PDE1A: variants seen among roughly 807,000 people sequenced by gnomAD.
PDE1A encodes the protein phosphodiesterase 1A, also known as dual specificity calcium/calmodulin-dependent 3',5'-cyclic nucleotide phosphodiesterase 1A.
In PDE1A, 35 loss-of-function variants were observed where a neutral mutation model predicts 61.7. That is an observed-to-expected ratio of 0.57 (90% CI 0.43 to 0.75). The LOEUF (loss-of-function observed/expected upper bound fraction) is 0.75, where lower values mean the gene tolerates loss of function less well. Among genes scored for constraint, PDE1A ranks in the 30% least tolerant of loss-of-function variants. The pLI is 0.00. For missense variants in PDE1A, 597 were observed against 630.6 expected, an observed-to-expected ratio of 0.95 and a Z score of 0.57; for synonymous variants, 232 against 213.2, an observed-to-expected ratio of 1.09 and a Z score of -0.77.
At chr2:182,172,594 T>C (rs1312583346) in intron 13 of PDE1A, among the ~76,000 whole-genome samples, 1 of 152,022 alleles carries the variant, frequency 6.6e-6, no homozygotes, top group African/African-American at 2.4e-5. Context: ...CTAATTTGGG[T>C]AGGCCTCCTG....
intron 2 of PDE1A, chr2:182,242,213 A>G: frequency 5.8e-6 from 2 of 343,904 alleles, no homozygotes; most frequent in Non-Finnish European, 4.5e-6. Flanking sequence ...TATATGTCCT[A>G]TACTCATAAA....
At chr2:182,688,478 C>G in the PDE1A span, among the ~76,000 whole-genome samples, 1 of 152,056 alleles carries the variant, frequency 6.6e-6, no homozygotes, top group Non-Finnish European at 1.5e-5. Context: ...AAGCAAATGC[C>G]GAGAGATTTT....
exon 1 of PDE1A, chr2:182,426,995 C>T: frequency 5.0e-6 from 5 of 1,006,340 alleles, no homozygotes; most frequent in Non-Finnish European, 5.9e-6. Context: ...GTTATTGCAG[C>T]CATGAGAGCT....
intron 3 of PDE1A, among the ~76,000 whole-genome samples, chr2:182,235,014 C>A (rs1346652016): frequency 6.6e-6 from 1 of 152,052 alleles, no homozygotes; most frequent in Non-Finnish European, 1.5e-5. Flanking sequence ...ATCATACTAG[C>A]AAAAATTGTT....
the PDE1A span, among the ~76,000 whole-genome samples, chr2:182,687,617 T>A: frequency 5.9e-5 from 9 of 152,066 alleles, no homozygotes; most frequent in Non-Finnish European, 1.5e-5. Flanking sequence ...ATTCTAAAAA[T>A]CGAGCACCTC....
At chr2:182,582,971 G>A in the PDE1A span, among the ~76,000 whole-genome samples, 26 of 152,136 alleles carry the variant, frequency 1.7e-4, no homozygotes, top group Non-Finnish European at 3.2e-4. Context: ...GTTCCTTTTT[G>A]CGCTTGAACC....
At chr2:182,575,913 TATC>T in the PDE1A span, among the ~76,000 whole-genome samples, 2 of 146,980 alleles carry the variant, frequency 1.4e-5, no homozygotes, top group African/African-American at 2.5e-5. Context: ...CTATATATAG[TATC>T]ATATTATTAT....
intron 1 of PDE1A, among the ~76,000 whole-genome samples, chr2:182,337,736 T>C (rs1028158237): frequency 6.6e-6 from 1 of 152,236 alleles, no homozygotes; most frequent in Non-Finnish European, 1.5e-5. Flanking sequence ...GATAGAGTTA[T>C]GTCAAATTGG....
the PDE1A span, among the ~76,000 whole-genome samples, chr2:182,681,314 A>G: frequency 8.2e-6 from 1 of 121,300 alleles, no homozygotes; most frequent in Admixed American, 9.2e-5. Context: ...TTATTTAATT[A>G]TTTATTTTAG....
the PDE1A span, among the ~76,000 whole-genome samples, chr2:182,668,269 G>C: frequency 1.3e-5 from 2 of 152,106 alleles, no homozygotes; most frequent in Admixed American, 6.5e-5. Context: ...GACAACTAGA[G>C]ATCTGCAGTC....
At chr2:182,511,601 G>C (rs952448414) in intron 2 of PDE1A, among the ~76,000 whole-genome samples, 1 of 152,172 alleles carries the variant, frequency 6.6e-6, no homozygotes, top group African/African-American at 2.4e-5. Context: ...GTGGAGCACA[G>C]CCAGGGATGC....
chr2:182,713,942 A>G, the PDE1A span, among the ~76,000 whole-genome samples: 1 of 152,170 alleles, frequency 6.6e-6, no homozygotes. Flanking sequence ...CCATCCACCA[A>G]AATTGTGCTT....
At chr2:182,311,974 T>C (rs1559325529) in intron 1 of PDE1A, among the ~76,000 whole-genome samples, 1 of 152,164 alleles carries the variant, frequency 6.6e-6, no homozygotes, top group Non-Finnish European at 1.5e-5. Flanking sequence ...GTCATCCTAA[T>C]AGATGTGTAG....
intron 1 of PDE1A, among the ~76,000 whole-genome samples, chr2:182,312,340 A>T (rs1595449): frequency 0.93 from 141,409 of 152,150 alleles, 66,338 homozygotes; most frequent in East Asian, 0.99. Context: ...TTTGTAGATT[A>T]TATGTTTTGT....
At chr2:182,388,870 T>G (rs1026728485) in intron 1 of PDE1A, among the ~76,000 whole-genome samples, 2 of 151,926 alleles carry the variant, frequency 1.3e-5, no homozygotes, top group African/African-American at 4.8e-5. Context: ...GTTGATTTCC[T>G]GAAATGATGA....
At chr2:182,416,652 G>A (rs1198424693) in intron 1 of PDE1A, among the ~76,000 whole-genome samples, 1 of 152,122 alleles carries the variant, frequency 6.6e-6, no homozygotes, top group Non-Finnish European at 1.5e-5. Flanking sequence ...ATAATTAAAG[G>A]AGGAGAAAAG....
chr2:182,532,141 T>C, the PDE1A span, among the ~76,000 whole-genome samples: 1 of 152,136 alleles, frequency 6.6e-6, no homozygotes, highest in African/African-American at 2.4e-5. Context: ...GATACAAATG[T>C]ATACTTGGAA....
At chr2:182,473,137 T>C (rs990417723) in intron 2 of PDE1A, among the ~76,000 whole-genome samples, 11 of 151,766 alleles carry the variant, frequency 7.2e-5, no homozygotes, top group African/African-American at 2.4e-4. Flanking sequence ...ACAAGATGGA[T>C]TAAAGACTTA....
chr2:182,432,328 A>T (rs1703993886), intron 2 of PDE1A, among the ~76,000 whole-genome samples: 1 of 152,148 alleles, frequency 6.6e-6, no homozygotes, highest in African/African-American at 2.4e-5. Flanking sequence ...ATACCACCAG[A>T]ATACTTTTCA....
Sources: allele counts gnomAD v4.1 joint callset (sites outside exome capture counted in the v4.1 genomes callset), GRCh38; gene constraint gnomAD v4.1.1; transcripts MANE v1.5; gene names NCBI Gene and HGNC (gene_info 2026-07-23, HGNC 2026-07-21).